DPP10: variants seen among roughly 807,000 people sequenced by gnomAD.
The protein encoded by DPP10 is dipeptidyl peptidase like 10.
DPP10 carries 33 observed loss-of-function variants against 120.9 expected under a neutral mutation model. The observed-to-expected ratio is 0.27, with a 90% CI of 0.21 to 0.37. The LOEUF is 0.37. Ranked by LOEUF, DPP10 falls within the 10% of genes least tolerant of loss-of-function variation. The probability of loss-of-function intolerance (pLI) is 1.00; values close to 1 mark genes in which losing one functional copy is unlikely to be tolerated. For missense variants in DPP10, 816 were observed against 942.8 expected (o/e 0.87, Z 1.76); for synonymous variants, 337 against 326.1 (o/e 1.03, Z -0.36).
At chr2:115,346,479 G>A (rs966063885) in intron 3 of DPP10, among the ~76,000 whole-genome samples, 4 of 152,034 alleles carry the variant, frequency 2.6e-5, no homozygotes, top group African/African-American at 9.7e-5. Context: ...CATTCATTAT[G>A]CTTGGTCTCA....
In DPP10 at chr2:114,703,999, C is replaced by T. The variant is rs543852645; in HGVS notation, c.60+261161C>T. ...TTTTTCCTACTGCCTCCCACAGAGC[C>T]GGGCTGTACCACATGCTTTTCCAAA... On this transcript the variant is annotated intron_variant, in intron 1 of 25. Transcript: ENST00000410059. Among the ~76,000 whole-genome samples the T allele has an allele frequency of 8.5e-5, 13 of 152,134 alleles. No homozygotes were observed. In the South Asian group the frequency reaches 2.1e-3, roughly 24 times the overall value.
chr2:114,720,872 T>C (rs1037709366), intron 1 of DPP10, among the ~76,000 whole-genome samples: 1 of 152,234 alleles, frequency 6.6e-6, no homozygotes, highest in African/African-American at 2.4e-5. Flanking sequence ...ATTCTCCACC[T>C]ATCACAGTGA....
At chr2:115,284,281 C>T (rs1483349580) in intron 1 of DPP10, among the ~76,000 whole-genome samples, 2 of 151,974 alleles carry the variant, frequency 1.3e-5, no homozygotes, top group African/African-American at 4.8e-5. Flanking sequence ...TTTAATATTA[C>T]TCTTCTCCAT....
At chr2:114,874,894 T>C (rs1691023197) in intron 1 of DPP10, among the ~76,000 whole-genome samples, 1 of 152,126 alleles carries the variant, frequency 6.6e-6, no homozygotes, top group Non-Finnish European at 1.5e-5. Context: ...TAGCCACCTA[T>C]TCCTAACATC....
chr2:115,114,089 C>T (rs1450476576), intron 1 of DPP10, among the ~76,000 whole-genome samples: 1 of 152,172 alleles, frequency 6.6e-6, no homozygotes, highest in Non-Finnish European at 1.5e-5. Context: ...CTAATTCTGC[C>T]CACCACCATT....
At chr2:114,577,461 A>G (rs1690146391) in intron 1 of DPP10, among the ~76,000 whole-genome samples, 2 of 152,226 alleles carry the variant, frequency 1.3e-5, no homozygotes, top group African/African-American at 4.8e-5. Flanking sequence ...TGGGCTTCCA[A>G]TAAGAGTAAC....
At chr2:115,791,393 A>G (rs1431326193) in intron 19 of DPP10, 37 bp downstream of exon 19, 5 of 1,530,416 alleles carry the variant, frequency 3.3e-6, no homozygotes, top group Non-Finnish European at 3.5e-6. Context: ...AAAGGAATCT[A>G]AAGATTTTAT....
chr2:115,575,585 G>A (rs2081605279), intron 5 of DPP10, among the ~76,000 whole-genome samples: 1 of 152,178 alleles, frequency 6.6e-6, no homozygotes, highest in African/African-American at 2.4e-5. Flanking sequence ...ACTGCCCGAA[G>A]CAGAATTTCA....
chr2:114,465,775 A>G (rs983340316), intron 1 of DPP10, among the ~76,000 whole-genome samples: 6 of 152,222 alleles, frequency 3.9e-5, no homozygotes, highest in Non-Finnish European at 8.8e-5. Context: ...CATGTATGCA[A>G]TGTGTAATGA....
At chr2:115,463,140 A>G (rs1558698560) in intron 3 of DPP10, among the ~76,000 whole-genome samples, 1 of 152,170 alleles carries the variant, frequency 6.6e-6, no homozygotes, top group Admixed American at 6.5e-5. Context: ...GAAATTACTC[A>G]TATTCCTCTG....
chr2:115,105,005 CAA>C (rs10706119), intron 1 of DPP10, among the ~76,000 whole-genome samples: 22 of 135,680 alleles, frequency 1.6e-4, no homozygotes, highest in East Asian at 6.3e-4. Context: ...GACTCCGTCT[CAA>C]AAAAAAAAAA....
chr2:114,995,619 T>G (rs1022169647), intron 1 of DPP10, among the ~76,000 whole-genome samples: 2 of 152,198 alleles, frequency 1.3e-5, no homozygotes, highest in African/African-American at 4.8e-5. Flanking sequence ...TTATATATTT[T>G]TTCTCAATAG....
intron 13 of DPP10, among the ~76,000 whole-genome samples, chr2:115,771,488 C>T (rs2166474): frequency 0.081 from 12,246 of 152,104 alleles, 656 homozygotes; most frequent in Non-Finnish European, 0.12. Flanking sequence ...ATAATTCTTC[C>T]CGCAAAATTA....
At chr2:114,722,691 G>A (rs1701775471) in intron 1 of DPP10, among the ~76,000 whole-genome samples, 1 of 149,298 alleles carries the variant, frequency 6.7e-6, no homozygotes, top group African/African-American at 2.5e-5. Flanking sequence ...CAGGAGAATG[G>A]CATGAACCTG....
intron 1 of DPP10, among the ~76,000 whole-genome samples, chr2:114,614,315 G>T (rs977246957): frequency 3.3e-5 from 5 of 152,022 alleles, no homozygotes; most frequent in Non-Finnish European, 5.9e-5. Context: ...GATCAAACTT[G>T]CAAAGTCCCT....
intron 1 of DPP10, among the ~76,000 whole-genome samples, chr2:114,534,440 G>T (rs1175255732): frequency 6.6e-6 from 1 of 152,058 alleles, no homozygotes; most frequent in South Asian, 2.1e-4. Context: ...AGCTCTCATT[G>T]TCTGGTATGT....
At chr2:115,091,818 T>C (rs1408028845) in intron 1 of DPP10, among the ~76,000 whole-genome samples, 1 of 152,210 alleles carries the variant, frequency 6.6e-6, no homozygotes, top group African/African-American at 2.4e-5. Flanking sequence ...TGCCTCTGCA[T>C]TGGGCTTTAT....
At chr2:115,560,231 T>C (rs1157266454) in intron 5 of DPP10, among the ~76,000 whole-genome samples, 1 of 147,684 alleles carries the variant, frequency 6.8e-6, no homozygotes, top group African/African-American at 2.5e-5. Flanking sequence ...ATTAGCCAGG[T>C]GTGGTGGCTG....
chr2:115,743,782 T>C (rs1257562826), intron 9 of DPP10, among the ~76,000 whole-genome samples: 1 of 150,732 alleles, frequency 6.6e-6, no homozygotes, highest in Non-Finnish European at 1.5e-5. Context: ...TGAGAATCTT[T>C]AGCATGTGCT....
Sources: gnomAD v4.1 joint callset for allele counts (sites outside exome capture counted in the v4.1 genomes callset) on GRCh38, gnomAD v4.1.1 for gene constraint, MANE v1.5 for transcripts, NCBI Gene and HGNC (gene_info 2026-07-23, HGNC 2026-07-21) for gene names.